The following ACOXL variants were observed in gnomAD, a reference collection of about 807,000 sequenced individuals.
ACOXL encodes the protein acyl-CoA oxidase like.
ACOXL carries 70 observed loss-of-function variants against 71.9 expected under a neutral mutation model. The observed-to-expected ratio is 0.97, with a 90% CI of 0.80 to 1.19. The LOEUF is 1.19. Among genes scored for constraint, ACOXL ranks in the 50% most tolerant of loss-of-function variants. ACOXL has a pLI of 0.00. For missense variants in ACOXL, 703 were observed against 736.3 expected, an observed-to-expected ratio of 0.95 and a Z score of 0.52; for synonymous variants, 253 against 281.6, an observed-to-expected ratio of 0.90 and a Z score of 1.02.
intron 16 of ACOXL, among the ~76,000 whole-genome samples, chr2:111,078,862 C>T (rs1307877628): frequency 6.6e-6 from 1 of 152,128 alleles, no homozygotes; most frequent in Non-Finnish European, 1.5e-5. Flanking sequence ...TTTGTTTTAG[C>T]AGGCTATGTA....
At chr2:111,101,262 TAGG>T (rs747488847) in intron 17 of ACOXL, 1 of 152,232 alleles carries the variant, frequency 6.6e-6, no homozygotes, top group South Asian at 2.1e-4. Flanking sequence ...AAAAAAAAAT[TAGG>T]AGAGAGTTCT....
At chr2:110,937,979 G>T (rs1475694177) in intron 12 of ACOXL, among the ~76,000 whole-genome samples, 1 of 152,210 alleles carries the variant, frequency 6.6e-6, no homozygotes, top group Non-Finnish European at 1.5e-5. Flanking sequence ...CCAGGCTGGG[G>T]ATTTGGAGAA....
At chr2:111,050,869 C>T (rs1185960293) in intron 16 of ACOXL, among the ~76,000 whole-genome samples, 1 of 152,188 alleles carries the variant, frequency 6.6e-6, no homozygotes, top group Non-Finnish European at 1.5e-5. Context: ...ACCAAAGGCC[C>T]CTCCTCCTCT....
chr2:110,816,882 C>T (rs1476837258), intron 9 of ACOXL, among the ~76,000 whole-genome samples: 1 of 152,226 alleles, frequency 6.6e-6, no homozygotes, highest in Non-Finnish European at 1.5e-5. Flanking sequence ...ACAGATTGGC[C>T]TCTCTGCCCG....
intron 3 of ACOXL, among the ~76,000 whole-genome samples, chr2:110,787,466 G>T (rs1236513519): frequency 6.7e-6 from 1 of 150,334 alleles, no homozygotes; most frequent in African/African-American, 2.5e-5. Context: ...CCCGGGAGGC[G>T]GAGCTTGCAG....
intron 16 of ACOXL, among the ~76,000 whole-genome samples, chr2:111,055,526 C>T (rs2066492737): frequency 6.6e-6 from 1 of 152,248 alleles, no homozygotes; most frequent in Admixed American, 6.5e-5. Context: ...ATCTTGGCCC[C>T]ATGCCATTGA....
chr2:111,067,884 G>A (rs531101802), intron 16 of ACOXL, among the ~76,000 whole-genome samples: 14 of 152,304 alleles, frequency 9.2e-5, no homozygotes, highest in South Asian at 6.2e-4. Flanking sequence ...TTGGGAGTGC[G>A]GGGAAGATAA....
intron 9 of ACOXL, among the ~76,000 whole-genome samples, chr2:110,817,655 C>T (rs977295797): frequency 1.3e-5 from 2 of 152,156 alleles, no homozygotes; most frequent in African/African-American, 4.8e-5. Context: ...TGATTTTTCT[C>T]CAGGGATATC....
intron 10 of ACOXL, among the ~76,000 whole-genome samples, chr2:110,884,472 G>T (rs913063325): frequency 4.6e-5 from 7 of 152,076 alleles, no homozygotes; most frequent in Non-Finnish European, 1.0e-4. Flanking sequence ...TACCAAAGTT[G>T]CATATTTAGG....
chr2:111,074,841 C>T (rs2067520042), intron 16 of ACOXL, among the ~76,000 whole-genome samples: 1 of 152,210 alleles, frequency 6.6e-6, no homozygotes, highest in Admixed American at 6.5e-5. Flanking sequence ...GTGATCCACT[C>T]ACCTTGTCCT....
At chr2:110,990,314 AT>A (rs1481070018) in intron 13 of ACOXL, among the ~76,000 whole-genome samples, 2 of 152,176 alleles carry the variant, frequency 1.3e-5, no homozygotes, top group African/African-American at 4.8e-5. Context: ...TTAAAAGAAT[AT>A]TTTTAAATTA....
At chr2:110,939,278 A>C (rs941043482) in intron 12 of ACOXL, among the ~76,000 whole-genome samples, 1 of 152,236 alleles carries the variant, frequency 6.6e-6, no homozygotes, top group Non-Finnish European at 1.5e-5. Flanking sequence ...CAAAAGTAAT[A>C]TATATCCATT....
chr2:110,769,428 T>A (rs1187647621), intron 2 of ACOXL, among the ~76,000 whole-genome samples: 2 of 151,744 alleles, frequency 1.3e-5, no homozygotes, highest in Non-Finnish European at 2.9e-5. Flanking sequence ...GGGCTGATAC[T>A]GGGTAGAGCC....
At chr2:110,955,785 T>C (rs2061477768) in intron 12 of ACOXL, among the ~76,000 whole-genome samples, 2 of 152,110 alleles carry the variant, frequency 1.3e-5, no homozygotes, top group Admixed American at 6.6e-5. Flanking sequence ...ATTCCCAGAT[T>C]GGCTGAATTC....
chr2:110,805,242 C>A, intron 8 of ACOXL, 21 bp from the exon 9 acceptor site: 1 of 1,612,854 alleles, frequency 6.2e-7, no homozygotes, highest in Non-Finnish European at 8.5e-7. Flanking sequence ...TTTTGTGAAA[C>A]CCCACCTCTC....
chr2:110,957,982 G>A lies in ACOXL; in HGVS notation c.1059+24340G>A, dbSNP rs1040943859. On this transcript the variant is annotated intron_variant, in intron 12 of 17. Transcript: ENST00000439055. ...GCTGAGGCAGGAGAACCTGGGAGGC[G>A]GAGATTGCAGTGAGGCAAGATCACG... Among the ~76,000 whole-genome samples the A allele has an allele frequency of 4.4e-4, 67 of 151,228 alleles. No individual in the cohort carries two copies. In the Middle Eastern group the frequency reaches 0.017, roughly 38 times the overall value.
chr2:110,856,739 G>C (rs1693296575), intron 10 of ACOXL, among the ~76,000 whole-genome samples: 1 of 152,222 alleles, frequency 6.6e-6, no homozygotes, highest in Admixed American at 6.5e-5. Flanking sequence ...CTGGTTGGCA[G>C]TGGGGTTCAG....
At chr2:110,812,886 G>A (rs938766656) in intron 9 of ACOXL, among the ~76,000 whole-genome samples, 3 of 152,368 alleles carry the variant, frequency 2.0e-5, no homozygotes, top group African/African-American at 7.2e-5. Context: ...CATCCGGGTA[G>A]CTGAAACACT....
chr2:110,912,313 A>T (rs974433438), intron 11 of ACOXL, among the ~76,000 whole-genome samples: 1 of 152,118 alleles, frequency 6.6e-6, no homozygotes, highest in African/African-American at 2.4e-5. Flanking sequence ...TAGCCACAAC[A>T]ATCTTGAGAA....
Sources: gnomAD v4.1 joint callset for allele counts (sites outside exome capture counted in the v4.1 genomes callset) on GRCh38, gnomAD v4.1.1 for gene constraint, MANE v1.5 for transcripts, NCBI Gene and HGNC (gene_info 2026-07-23, HGNC 2026-07-21) for gene names.